The following ROBO2 variants were observed in gnomAD, a reference collection of about 807,000 sequenced individuals.
The protein encoded by ROBO2 is roundabout guidance receptor 2.
In ROBO2, 53 loss-of-function variants were observed where a neutral mutation model predicts 160.8. That is an observed-to-expected ratio of 0.33 (90% CI 0.26 to 0.41). The LOEUF (loss-of-function observed/expected upper bound fraction) is 0.41, where lower values mean the gene tolerates loss of function less well. Among genes scored for constraint, ROBO2 ranks in the 10% least tolerant of loss-of-function variants. The probability of loss-of-function intolerance (pLI) is 1.00; values close to 1 mark genes in which losing one functional copy is unlikely to be tolerated. For synonymous variants in ROBO2, 664 were observed against 611.7 expected (o/e 1.09, Z -1.26); for missense variants, 1,577 against 1,722.4 (o/e 0.92, Z 1.49).
intron 2 of ROBO2, among the ~76,000 whole-genome samples, chr3:77,453,159 A>C (rs2081290671): frequency 6.6e-6 from 1 of 152,152 alleles, no homozygotes; most frequent in Non-Finnish European, 1.5e-5. Flanking sequence ...TTCTCTATTA[A>C]ACTACTATGA....
chr3:77,103,073 G>A (rs1230807798), intron 2 of ROBO2, among the ~76,000 whole-genome samples: 1 of 152,106 alleles, frequency 6.6e-6, no homozygotes, highest in Non-Finnish European at 1.5e-5. Flanking sequence ...CTGAACACTG[G>A]CGCTCCCTGT....
At chr3:76,197,058 C>A (rs974839254) in intron 2 of ROBO2, among the ~76,000 whole-genome samples, 1 of 152,168 alleles carries the variant, frequency 6.6e-6, no homozygotes, top group South Asian at 2.1e-4. Flanking sequence ...TACTGTTGTA[C>A]CCAGCTGAGT....
chr3:77,532,320 T>C (rs1407983452), intron 6 of ROBO2, among the ~76,000 whole-genome samples: 4 of 152,094 alleles, frequency 2.6e-5, no homozygotes, highest in African/African-American at 9.7e-5. Flanking sequence ...TTTTCTTGGC[T>C]GGGATTTTCT....
Position 76,869,340 on chromosome 3 carries a change from A to ATCTTTTT in ROBO2, c.110-228673_110-228672insCTTTTTT, listed in dbSNP as rs1178461363. Among the ~76,000 whole-genome samples, 8 of 108,152 alleles carry ATCTTTTT rather than the reference A, an allele frequency of 7.4e-5. 1 individual carries two copies. Among genetic ancestry groups the ATCTTTTT allele is most frequent in the African/African-American group, 2.1e-4 (6 of 28,026 alleles). 71.0% of individuals were successfully genotyped at this position (108,152 alleles called of 152,430 possible). On this transcript the variant is annotated intron_variant, in intron 2 of 26. Coordinates refer to the ROBO2 transcript ENST00000487694. ...TATTTTATGTGCCTAGTAGAAATTG[A>ATCTTTTT]TGTTTTTTTTTTTTTTTTTTTTTTT...
intron 2 of ROBO2, among the ~76,000 whole-genome samples, chr3:75,948,898 G>A (rs1255675489): frequency 6.6e-6 from 1 of 152,034 alleles, no homozygotes; most frequent in East Asian, 1.9e-4. Flanking sequence ...GAAGACTAAT[G>A]TCTGGTTAAC....
At chr3:76,475,854 T>G (rs149998067) in intron 2 of ROBO2, among the ~76,000 whole-genome samples, 1 of 152,264 alleles carries the variant, frequency 6.6e-6, no homozygotes, top group East Asian at 1.9e-4. Flanking sequence ...ACATGATGCT[T>G]TTGTCAACTT....
chr3:77,631,667 A>C (rs758070755), intron 23 of ROBO2: 4 of 152,260 alleles, frequency 2.6e-5, no homozygotes, highest in Non-Finnish European at 4.4e-5. Context: ...AATGTTTCTG[A>C]GTATCCTCAC....
chr3:76,038,250 T>A (rs1292695274), intron 2 of ROBO2, among the ~76,000 whole-genome samples: 2 of 151,992 alleles, frequency 1.3e-5, no homozygotes, highest in Non-Finnish European at 2.9e-5. Context: ...TACTTCAGTC[T>A]ATCATTATTA....
intron 2 of ROBO2, among the ~76,000 whole-genome samples, chr3:77,259,462 G>T (rs2058641387): frequency 6.6e-6 from 1 of 152,050 alleles, no homozygotes; most frequent in Admixed American, 6.5e-5. Flanking sequence ...ATTTTAAAAA[G>T]AAAACAATAG....
chr3:77,412,156 G>A (rs1478556909), intron 2 of ROBO2, among the ~76,000 whole-genome samples: 1 of 152,142 alleles, frequency 6.6e-6, no homozygotes, highest in African/African-American at 2.4e-5. Context: ...GTGCTTGCAC[G>A]ATCATTTGAT....
At chr3:77,565,236 C>A in intron 12 of ROBO2, 116 bp downstream of exon 13, 1 of 1,157,088 alleles carries the variant, frequency 8.6e-7, no homozygotes, top group Non-Finnish European at 1.3e-6. Flanking sequence ...TGATGGCTCA[C>A]TAGGCTTTAT....
At chr3:77,060,518 C>T (rs552626353) in intron 1 of ROBO2, among the ~76,000 whole-genome samples, 1 of 152,240 alleles carries the variant, frequency 6.6e-6, no homozygotes, top group Middle Eastern at 3.4e-3. Flanking sequence ...CACAGCTAGC[C>T]ATTGAAGGAG....
intron 1 of ROBO2, among the ~76,000 whole-genome samples, chr3:75,907,650 G>T (rs1196025087): frequency 6.6e-6 from 1 of 152,014 alleles, no homozygotes. Flanking sequence ...TTAAGTGGCC[G>T]ACTGACAGGA....
At chr3:76,758,196 T>G (rs1384206910) in intron 2 of ROBO2, among the ~76,000 whole-genome samples, 1 of 151,812 alleles carries the variant, frequency 6.6e-6, no homozygotes, top group Non-Finnish European at 1.5e-5. Flanking sequence ...GGTAATTTTG[T>G]TCCATGGAAA....
At chr3:76,891,957 C>G (rs1242727990) in intron 2 of ROBO2, among the ~76,000 whole-genome samples, 1 of 152,056 alleles carries the variant, frequency 6.6e-6, no homozygotes, top group East Asian at 1.9e-4. Context: ...GGTGGCAGAT[C>G]GGACAAATTT....
At chr3:77,230,891 C>T (rs531097897) in intron 2 of ROBO2, among the ~76,000 whole-genome samples, 25 of 152,130 alleles carry the variant, frequency 1.6e-4, no homozygotes, top group Non-Finnish European at 2.8e-4. Flanking sequence ...TAGCCTTTAG[C>T]GTATCTAGAT....
intron 2 of ROBO2, among the ~76,000 whole-genome samples, chr3:76,041,852 C>G (rs1029089820): frequency 6.6e-6 from 1 of 151,740 alleles, no homozygotes; most frequent in African/African-American, 2.4e-5. Context: ...TCTGTAATGG[C>G]GCAAACGCAT....
chr3:76,046,909 A>C (rs2067471880), intron 2 of ROBO2, among the ~76,000 whole-genome samples: 1 of 152,218 alleles, frequency 6.6e-6, no homozygotes. Flanking sequence ...GACTCAGTGC[A>C]TGATTCGTCA....
intron 5 of ROBO2, among the ~76,000 whole-genome samples, chr3:77,519,052 T>A (rs2090323447): frequency 6.6e-6 from 1 of 151,468 alleles, no homozygotes; most frequent in Non-Finnish European, 1.5e-5. Context: ...AATGGCACAG[T>A]CTCTTTGAAA....
Sources: gnomAD v4.1 joint callset for allele counts (sites outside exome capture counted in the v4.1 genomes callset) on GRCh38, gnomAD v4.1.1 for gene constraint, MANE v1.5 for transcripts, NCBI Gene and HGNC (gene_info 2026-07-23, HGNC 2026-07-21) for gene names.